The following BAZ1B variants were observed in gnomAD, a reference collection of about 807,000 sequenced individuals.
BAZ1B encodes the protein bromodomain adjacent to zinc finger domain 1B, also known as tyrosine-protein kinase BAZ1B.
Under a neutral mutation model 153.8 loss-of-function variants are expected in BAZ1B, and 22 were observed. The observed-to-expected ratio is 0.14, with a 90% confidence interval of 0.10 to 0.20. BAZ1B has a LOEUF of 0.20. BAZ1B is among the 10% of genes least tolerant of loss of function. BAZ1B has a pLI of 1.00. For synonymous variants in BAZ1B, 676 were observed against 633.4 expected (o/e 1.07, Z -1.01); for missense variants, 1,325 against 1,799.3 (o/e 0.74, Z 4.77).
intron 13 of BAZ1B, among the ~76,000 whole-genome samples, chr7:73,457,320 G>A (rs1554569685): frequency 6.6e-6 from 1 of 152,022 alleles, no homozygotes; most frequent in African/African-American, 2.4e-5. Context: ...TGAGAATACA[G>A]GTGTGCGCCA....
At chr7:73,482,668 C>T (rs1789246329) in intron 6 of BAZ1B, among the ~76,000 whole-genome samples, 1 of 152,148 alleles carries the variant, frequency 6.6e-6, no homozygotes, top group Admixed American at 6.5e-5. Flanking sequence ...GTTCTTTAAA[C>T]TTCTTCCACT....
chr7:73,452,159 T>A (rs1248997545), intron 13 of BAZ1B, among the ~76,000 whole-genome samples: 2 of 152,214 alleles, frequency 1.3e-5, no homozygotes, highest in Non-Finnish European at 2.9e-5. Context: ...CTCGTTTTTT[T>A]AAAAAACAGA....
intron 7 of BAZ1B, among the ~76,000 whole-genome samples, chr7:73,472,862 T>A (rs1346502084): frequency 6.6e-6 from 1 of 151,522 alleles, no homozygotes; most frequent in African/African-American, 2.4e-5. Flanking sequence ...GTTCAAGCGA[T>A]TATCCTGTCT....
At chr7:73,448,482 C>A (rs1218566658) in intron 15 of BAZ1B, among the ~76,000 whole-genome samples, 2 of 152,184 alleles carry the variant, frequency 1.3e-5, no homozygotes, top group Non-Finnish European at 2.9e-5. Flanking sequence ...ACTCTCAGGG[C>A]ATTCATAATC....
At chr7:73,508,176 C>A in intron 3 of BAZ1B, 151 bp downstream of exon 3, 1 of 842,030 alleles carries the variant, frequency 1.2e-6, no homozygotes, top group Non-Finnish European at 1.6e-6. Flanking sequence ...ACCAAGAAAA[C>A]ACACAAGTAT....
At chr7:73,515,962 C>A (rs941623885) in intron 1 of BAZ1B, among the ~76,000 whole-genome samples, 1 of 152,000 alleles carries the variant, frequency 6.6e-6, no homozygotes, top group African/African-American at 2.4e-5. Context: ...CTGGCCAACA[C>A]GGTGAAACCC....
rs1341233053 is a variant in BAZ1B, at chr7:73,441,342, A to T, written c.*367T>A. On this transcript the variant is annotated 3_prime_UTR_variant, in exon 20 of 20. Coordinates refer to ENST00000339594, the MANE Select transcript of BAZ1B (RefSeq NM_032408.4). Reference sequence around the variant, plus strand: ...CTAGAAAAGTCAATTTAAAAAAAAAATTAAACATTTAAATTCTTCCTGCTT... The same window carrying T: ...CTAGAAAAGTCAATTTAAAAAAAAATTTAAACATTTAAATTCTTCCTGCTT... 6.6e-6 allele frequency: 1 copy of T among 152,602 alleles called. No individual in the cohort carries two copies. The highest frequency in any genetic ancestry group is 2.4e-5 in the African/African-American group (1 of 41,448). 9.5% of individuals were successfully genotyped at this position (152,602 alleles called of 1,614,324 possible). A position where few individuals can be genotyped will look rare whatever the true frequency, so the allele number is the denominator to read the frequency against.
chr7:73,442,683 C>G (rs1583879509), intron 18 of BAZ1B, 42 bp downstream of exon 18: 3 of 1,594,198 alleles, frequency 1.9e-6, no homozygotes, highest in South Asian at 2.2e-5. Flanking sequence ...TAGAACCAGC[C>G]AGGCCACTCC....
chr7:73,478,151 T>C lies in BAZ1B; in HGVS notation c.1310A>G (p.Gln437Arg). 6.2e-7 allele frequency: 1 copy of C among 1,614,216 alleles called. No individual in the cohort carries two copies. Among genetic ancestry groups the C allele is most frequent in the Non-Finnish European group, 8.5e-7 (1 of 1,180,032 alleles). Residue 437 changes from glutamine to arginine, a missense_variant, in exon 7 of 20, where the codon CAG (glutamine) becomes CGG (arginine). By Grantham distance (43) the Gln-to-Arg change is conservative. Transcript: ENST00000339594. ...TTTGGCCATATCCAACAAAGTCATC[T>C]GCTTCATTTTGGTTTTAGGAGTCTT... ...GLKTPKTKMKQMTLLDMAKGT... is the reference protein window; with the variant it reads ...GLKTPKTKMKRMTLLDMAKGT...
chr7:73,504,807 G>A (rs1223326117), intron 3 of BAZ1B, among the ~76,000 whole-genome samples: 1 of 152,056 alleles, frequency 6.6e-6, no homozygotes, highest in African/African-American at 2.4e-5. Flanking sequence ...CAGTCTGGAA[G>A]ACACAGCAAG....
At chr7:73,479,686 A>G (rs1328249399) in intron 6 of BAZ1B, among the ~76,000 whole-genome samples, 1 of 151,950 alleles carries the variant, frequency 6.6e-6, no homozygotes, top group East Asian at 1.9e-4. Flanking sequence ...CCTAACCCCC[A>G]TGTCTTGCTT....
At chr7:73,472,533 T>C (rs568764490) in intron 7 of BAZ1B, among the ~76,000 whole-genome samples, 34 of 152,286 alleles carry the variant, frequency 2.2e-4, no homozygotes, top group African/African-American at 8.2e-4. Context: ...GCTGGGATTG[T>C]AGGTGTTGAG....
Position 73,462,927 on chromosome 7 carries a change from C to T in BAZ1B, c.3244G>A (p.Ala1082Thr). 1 of 1,613,996 alleles carries T rather than the reference C, an allele frequency of 6.2e-7. No individual in the cohort carries two copies. The highest frequency in any genetic ancestry group is 1.1e-5 in the South Asian group (1 of 91,080). ...GGATTTTCTTATATTCCTACCCGGGCTTCAAATTCTGATGTTTCTTCCACA... is the reference window on the plus strand; with the variant it reads ...GGATTTTCTTATATTCCTACCCGGGTTTCAAATTCTGATGTTTCTTCCACA... ...GYVEETSEFEARVISLEKLKD... is the reference protein window; with the variant it reads ...GYVEETSEFETRVISLEKLKD... The change falls in exon 12 of 20, where the codon GCC (alanine) becomes ACC (threonine). Residue 1082 changes from alanine (A) to threonine (T), a missense_variant. Around this residue, in one of 9 missense-constraint regions of BAZ1B, gnomAD observed 431 missense variants for 563.5 expected, o/e 0.76. Transcript: ENST00000339594.
intron 2 of BAZ1B, among the ~76,000 whole-genome samples, chr7:73,509,757 C>A (rs1406360990): frequency 2.0e-5 from 3 of 151,756 alleles, no homozygotes; most frequent in African/African-American, 7.3e-5. Flanking sequence ...GACTTGAACA[C>A]CAGAGCTGTT....
intron 15 of BAZ1B, 49 bp downstream of exon 15, chr7:73,449,493 G>A: frequency 6.4e-7 from 1 of 1,560,784 alleles, no homozygotes. Context: ...AATTATAACA[G>A]CTATTCATAT....
chr7:73,450,574 A>C lies in BAZ1B; in HGVS notation c.3580+273T>G, dbSNP rs568525585. Among the ~76,000 whole-genome samples, 1 of 152,322 alleles carries C rather than the reference A, an allele frequency of 6.6e-6. No homozygotes were observed. Among genetic ancestry groups the C allele is most frequent in the South Asian group, 2.1e-4 (1 of 4,830 alleles). On this transcript the variant is annotated intron_variant, in intron 14 of 19. Coordinates refer to ENST00000339594, the MANE Select transcript of BAZ1B (RefSeq NM_032408.4). The surrounding 1 kb of genome is among the most constrained non-coding windows in gnomAD (Gnocchi z 4.1). ...AACTAAACTAACTAAAATAGTTACAAGGATTAACTAATTTTGTTTTCTGTA... is the reference window on the plus strand; with the variant it reads ...AACTAAACTAACTAAAATAGTTACACGGATTAACTAATTTTGTTTTCTGTA...
chr7:73,502,240 G>C (rs1006495595), intron 3 of BAZ1B, among the ~76,000 whole-genome samples: 2 of 151,954 alleles, frequency 1.3e-5, no homozygotes, highest in Non-Finnish European at 2.9e-5. Context: ...GGTCACTACT[G>C]TTTTTCCAGC....
At position 73,489,064 on chromosome 7, in the gene BAZ1B, A is replaced by G. The variant is rs1286720756; in HGVS notation, c.891+130T>C. The G allele has an allele frequency of 4.5e-6, 4 of 896,344 alleles. No homozygotes were observed. In the African/African-American group the frequency reaches 5.1e-5, roughly 11 times the overall value. 55.5% of individuals were successfully genotyped at this position (896,344 alleles called of 1,614,324 possible). ...ACATAACAACCTGTATGTAACAGAT[A>G]TACCTGAAAAATTTTTAATTCATTA... On this transcript the variant is annotated intron_variant, in intron 6 of 19. Transcript: ENST00000339594.
intron 4 of BAZ1B, among the ~76,000 whole-genome samples, chr7:73,493,708 G>A (rs1260885359): frequency 6.6e-6 from 1 of 151,758 alleles, no homozygotes. Context: ...CAGGTGTGGT[G>A]GCACATGCCT....
Sources: allele counts gnomAD v4.1 joint callset (sites outside exome capture counted in the v4.1 genomes callset), GRCh38; gene constraint gnomAD v4.1.1; regional missense constraint gnomAD v4.1.1; non-coding constraint Gnocchi (gnomAD v3.1); transcripts MANE v1.5; gene names NCBI Gene and HGNC (gene_info 2026-07-23, HGNC 2026-07-21).